The following DNAH6 variants were observed in gnomAD, a reference collection of about 807,000 sequenced individuals.
DNAH6 encodes dynein axonemal heavy chain 6.
A neutral mutation model predicts 491.4 loss-of-function variants in DNAH6; 340 were observed. The ratio of observed to expected loss-of-function variants is 0.69; its 90% confidence interval spans 0.63 to 0.76. DNAH6 has a LOEUF of 0.76. Ranked by LOEUF, DNAH6 falls within the 30% of genes least tolerant of loss-of-function variation. DNAH6 has a pLI of 0.00. For missense variants in DNAH6, 4,443 were observed against 4,972.2 expected (o/e 0.89, Z 3.20); for synonymous variants, 1,603 against 1,686.1 (o/e 0.95, Z 1.21).
In DNAH6 at chr2:84,621,197, T is replaced by C; in HGVS notation, c.3799T>C (p.Leu1267=). ...TGCTCTGATTACCTTTTAGGTTAGC[T>C]TGGGGAAAGGCCTCAAGGCCCGAGG... is the stretch of plus-strand genomic sequence containing the variant. ...MLSPEGERVS[L]GKGLKARGNV... The change falls in exon 25 of 77, where the codon TTG becomes CTG. Residue 1267 remains leucine (L), a synonymous_variant. Coordinates refer to ENST00000389394, the MANE Select transcript of DNAH6 (RefSeq NM_001370.2). The C allele has an allele frequency of 6.4e-7, 1 of 1,551,514 alleles. No individual in the cohort carries two copies. Among genetic ancestry groups the C allele is most frequent in the Non-Finnish European group, 8.7e-7 (1 of 1,146,858 alleles).
chr2:84,533,039 A>G (rs2104467032), intron 4 of DNAH6, among the ~76,000 whole-genome samples: 1 of 152,264 alleles, frequency 6.6e-6, no homozygotes, highest in East Asian at 1.9e-4. Flanking sequence ...AATTGTCACT[A>G]AAAACCTATA....
chr2:84,809,325 G>A (rs891098326), intron 72 of DNAH6, among the ~76,000 whole-genome samples: 30 of 152,174 alleles, frequency 2.0e-4, no homozygotes, highest in African/African-American at 7.2e-4. Context: ...GGGGAGAACT[G>A]GGAGAGATCT....
intron 63 of DNAH6, among the ~76,000 whole-genome samples, chr2:84,752,172 A>C (rs1375208617): frequency 6.6e-6 from 1 of 152,226 alleles, no homozygotes; most frequent in Non-Finnish European, 1.5e-5. Flanking sequence ...CACTTAGAGC[A>C]ACAATTGCAA....
the DNAH6 span, among the ~76,000 whole-genome samples, chr2:84,510,280 A>C: frequency 6.6e-6 from 1 of 152,086 alleles, no homozygotes; most frequent in Non-Finnish European, 1.5e-5. Context: ...GTTTCTTTTT[A>C]TTCTTTTTTC....
Position 84,801,152 on chromosome 2 carries a change from C to T in DNAH6, c.11481+3494C>T, listed in dbSNP as rs1008331350. 4.0e-4 allele frequency among the ~76,000 whole-genome samples: 59 copies of T among 146,518 alleles called. 1 individual carries two copies. Among genetic ancestry groups the T allele is most frequent in the Middle Eastern group, 3.6e-3 (1 of 276 alleles). On this transcript the variant is annotated intron_variant, in intron 70 of 76. Transcript: ENST00000389394. ...GGGAGATATACCTAATGCTAGATGACGAGTTAGTGGGTGCAGCGCACCAGC... is the reference window on the plus strand; with the variant it reads ...GGGAGATATACCTAATGCTAGATGATGAGTTAGTGGGTGCAGCGCACCAGC...
chr2:84,519,492 C>T (rs1041819733), intron 2 of DNAH6, among the ~76,000 whole-genome samples: 1 of 152,084 alleles, frequency 6.6e-6, no homozygotes, highest in Admixed American at 6.6e-5. Context: ...ACTAATTTCA[C>T]ACCTGTGGGT....
chr2:84,722,867 A>C, intron 60 of DNAH6, 63 bp downstream of exon 60: 1 of 1,009,722 alleles, frequency 9.9e-7, no homozygotes, highest in Non-Finnish European at 1.4e-6. Context: ...CTGTTGAATT[A>C]CTTCTTGCTT....
chr2:84,596,318 T>TG (rs1684574433), intron 18 of DNAH6, among the ~76,000 whole-genome samples: 2 of 151,980 alleles, frequency 1.3e-5, no homozygotes, highest in Admixed American at 1.3e-4. Flanking sequence ...TAGGGTGTTT[T>TG]TTGTTGTTGT....
rs1430440946 is a variant in DNAH6, at chr2:84,815,915, C to T, written c.12205C>T (p.Arg4069Ter). 2.6e-6 allele frequency: 4 copies of T among 1,551,600 alleles called. No individual in the cohort carries two copies. The highest frequency in any genetic ancestry group is 2.0e-5 in the Admixed American group (1 of 50,964). The change falls in exon 76 of 77, where the codon CGA (arginine) becomes TGA (stop). Residue 4069 changes from arginine (R) to a stop codon, truncating the protein, a stop_gained. Coordinates refer to ENST00000389394, the MANE Select transcript of DNAH6 (RefSeq NM_001370.2). LOFTEE classifies it high-confidence loss of function. ...LVHGMFMDASRWDDKEMVIED... is the reference protein window; with the variant it reads ...LVHGMFMDAS ...TCATGGGATGTTCATGGATGCTTCT[C>T]GATGGGATGATAAGGAGATGGTGAT...
At chr2:84,768,083 ATAAAT>A (rs1675261799) in intron 64 of DNAH6, among the ~76,000 whole-genome samples, 1 of 152,128 alleles carries the variant, frequency 6.6e-6, no homozygotes, top group African/African-American at 2.4e-5. Context: ...AAACCCAAAA[ATAAAT>A]TAAGCAGAAT....
At chr2:84,577,519 A>G (rs1401133306) in intron 13 of DNAH6, 111 bp downstream of exon 13, 1 of 758,926 alleles carries the variant, frequency 1.3e-6, no homozygotes, top group Non-Finnish European at 1.9e-6. Flanking sequence ...ATAAAAATTA[A>G]CATAAGACTA....
chr2:84,781,545 G>A lies in DNAH6; in HGVS notation c.10756G>A (p.Val3586Ile), dbSNP rs1676702487. ...QGQGPIAEKM[V>I]KDAMKSGNWV... is the part of the protein sequence containing the mutation. ...ACAAGGACCTATTGCTGAAAAAATG[G>A]TCAAGGATGCAATGAAATCAGGAAA... is the stretch of plus-strand genomic sequence containing the variant. Residue 3586 changes from valine (V) to isoleucine (I), a missense_variant, in exon 65 of 77, where the codon GTC (valine) becomes ATC (isoleucine). Coordinates refer to ENST00000389394, the MANE Select transcript of DNAH6 (RefSeq NM_001370.2). 1 of 1,551,628 alleles carries A rather than the reference G, an allele frequency of 6.4e-7. No individual in the cohort carries two copies. Among genetic ancestry groups the A allele is most frequent in the South Asian group, 1.2e-5 (1 of 84,054 alleles).
intron 63 of DNAH6, among the ~76,000 whole-genome samples, chr2:84,760,454 C>G (rs1316503023): frequency 6.6e-6 from 1 of 151,914 alleles, no homozygotes; most frequent in East Asian, 1.9e-4. Flanking sequence ...AACTCAACAA[C>G]AATAACAAAG....
chr2:84,522,573 C>T (rs1676252613), intron 2 of DNAH6, among the ~76,000 whole-genome samples: 1 of 152,058 alleles, frequency 6.6e-6, no homozygotes. Flanking sequence ...GGAATGCTTC[C>T]AGCTTTTAAC....
the DNAH6 span, among the ~76,000 whole-genome samples, chr2:84,494,214 C>G: frequency 6.6e-6 from 1 of 152,216 alleles, no homozygotes; most frequent in African/African-American, 2.4e-5. Flanking sequence ...ACGTTGGTCT[C>G]TCTCTGAGAG....
Position 84,628,386 on chromosome 2 carries a change from G to A in DNAH6, c.4515+3323G>A, listed in dbSNP as rs770642315. Among the ~76,000 whole-genome samples the A allele has an allele frequency of 7.9e-5, 12 of 152,138 alleles. No homozygotes were observed. In the South Asian group the frequency reaches 1.7e-3, roughly 21 times the overall value. Reference sequence around the variant, plus strand: ...CCTGTTTTCTCTACCTGCTTTTTCCGGTTCCTGACAACTTCATAAGAGAGA... The same window carrying A: ...CCTGTTTTCTCTACCTGCTTTTTCCAGTTCCTGACAACTTCATAAGAGAGA... On this transcript the variant is annotated intron_variant, in intron 29 of 76. Coordinates refer to ENST00000389394, the MANE Select transcript of DNAH6 (RefSeq NM_001370.2).
intron 13 of DNAH6, among the ~76,000 whole-genome samples, chr2:84,578,423 A>G (rs538445421): frequency 1.3e-4 from 20 of 152,302 alleles, no homozygotes; most frequent in Non-Finnish European, 1.5e-5. Flanking sequence ...TTAAGCAATC[A>G]GGAGAGTTAT....
At chr2:84,554,267 T>C (rs1160673947) in intron 10 of DNAH6, among the ~76,000 whole-genome samples, 1 of 152,160 alleles carries the variant, frequency 6.6e-6, no homozygotes, top group East Asian at 1.9e-4. Context: ...GACCCTGCAA[T>C]ATCCCCCTAC....
At chr2:84,601,052 G>T (rs572732707) in intron 18 of DNAH6, among the ~76,000 whole-genome samples, 1 of 144,812 alleles carries the variant, frequency 6.9e-6, no homozygotes, top group African/African-American at 2.6e-5. Context: ...TAATAATAAT[G>T]TTATTATTAT....
Sources: gnomAD v4.1 joint callset for allele counts (sites outside exome capture counted in the v4.1 genomes callset) on GRCh38, gnomAD v4.1.1 for gene constraint, MANE v1.5 for transcripts, NCBI Gene and HGNC (gene_info 2026-07-23, HGNC 2026-07-21) for gene names.